The following RUNX2 variants were observed in gnomAD, a reference collection of about 807,000 sequenced individuals.
RUNX2 encodes RUNX family transcription factor 2.
A neutral mutation model predicts 51.7 loss-of-function variants in RUNX2; 10 were observed. The ratio of observed to expected loss-of-function variants is 0.19; its 90% CI spans 0.12 to 0.33. RUNX2 has a LOEUF of 0.33. Ranked by LOEUF, RUNX2 falls within the 10% of genes least tolerant of loss-of-function variation. The pLI is 1.00. For missense variants in RUNX2, 562 were observed against 691.3 expected (o/e 0.81, Z 2.10); for synonymous variants, 276 against 273.6 (o/e 1.01, Z -0.09).
intron 5 of RUNX2, among the ~76,000 whole-genome samples, chr6:45,471,166 G>T (rs1799788756): frequency 6.6e-6 from 1 of 152,102 alleles, no homozygotes; most frequent in Non-Finnish European, 1.5e-5. Context: ...TTTAGCAAAG[G>T]TGCCTCAACT....
At chr6:45,387,636 T>C in intron 2 of RUNX2, among the ~76,000 whole-genome samples, 1 of 152,212 alleles carries the variant, frequency 6.6e-6, no homozygotes, top group East Asian at 1.9e-4. Flanking sequence ...GTATTCTAGC[T>C]TCTATCCGCA....
intron 6 of RUNX2, among the ~76,000 whole-genome samples, chr6:45,508,220 C>CTTTTT (rs61501897): frequency 9.6e-4 from 63 of 65,654 alleles, no homozygotes; most frequent in Non-Finnish European, 1.3e-3. Context: ...CTTATATTTC[C>CTTTTT]TTTTTTTTTT....
intron 7 of RUNX2, among the ~76,000 whole-genome samples, chr6:45,533,827 T>C (rs1460849126): frequency 6.6e-6 from 1 of 151,208 alleles, no homozygotes; most frequent in Non-Finnish European, 1.5e-5. Flanking sequence ...TTTAAAAATA[T>C]CAATTGAAAT....
chr6:45,498,946 T>G (rs1471525919), intron 6 of RUNX2, among the ~76,000 whole-genome samples: 3 of 152,132 alleles, frequency 2.0e-5, no homozygotes, highest in East Asian at 1.9e-4. Context: ...GGAGATGAAG[T>G]GGGCCTGGGG....
intron 2 of RUNX2, among the ~76,000 whole-genome samples, chr6:45,345,273 A>G (rs1790616505): frequency 6.6e-6 from 1 of 152,182 alleles, no homozygotes; most frequent in Admixed American, 6.5e-5. Flanking sequence ...TGCTCAAATG[A>G]CATGTTTTCC....
intron 2 of RUNX2, chr6:45,365,248 C>G: frequency 6.2e-7 from 1 of 1,612,650 alleles, no homozygotes; most frequent in Non-Finnish European, 8.5e-7. Flanking sequence ...TCCCTGTACT[C>G]CTTCCACTAC....
chr6:45,504,323 G>A (rs778827790), intron 6 of RUNX2, among the ~76,000 whole-genome samples: 8 of 152,198 alleles, frequency 5.3e-5, no homozygotes, highest in Non-Finnish European at 1.0e-4. Context: ...TCTTCTGAGT[G>A]GTTAGCATCA....
At chr6:45,512,107 T>C (rs985646929) in intron 6 of RUNX2, 139 bp from the exon 7 acceptor site, 2 of 700,918 alleles carry the variant, frequency 2.9e-6, no homozygotes, top group African/African-American at 3.6e-5. Flanking sequence ...AAATAGCCAT[T>C]CCTTATATAT....
At chr6:45,528,597 G>C (rs1801744678) in intron 7 of RUNX2, among the ~76,000 whole-genome samples, 1 of 152,032 alleles carries the variant, frequency 6.6e-6, no homozygotes, top group Admixed American at 6.6e-5. Flanking sequence ...CTCCAGCCTG[G>C]GTGACAGAGG....
rs56246318 is a variant in RUNX2 at position 45,372,458 on chromosome 6, A to G, written c.58+43674A>G. Among the ~76,000 whole-genome samples, 596 of 152,354 alleles carry G rather than the reference A, an allele frequency of 3.9e-3. 7 individuals are homozygous for G. The highest frequency in any genetic ancestry group is 0.014 in the African/African-American group (568 of 41,594). On this transcript the variant is annotated intron_variant, in intron 2 of 8. Transcript: ENST00000647337. ...GAGTAGACCTTTAAAGACTAATATGAATAAAGTGAAATATACAGAATTCAG... is the reference window on the plus strand; with the variant it reads ...GAGTAGACCTTTAAAGACTAATATGGATAAAGTGAAATATACAGAATTCAG...
At position 45,496,338 on chromosome 6, in the gene RUNX2, G is replaced by A. The variant is rs531499747; in HGVS notation, c.859+4224G>A. 1.3e-3 allele frequency among the ~76,000 whole-genome samples: 197 copies of A among 152,190 alleles called. 1 individual carries two copies. The highest frequency in any genetic ancestry group is 1.2e-3 in the Non-Finnish European group (81 of 68,020). ...CATTCAAAAAATACTTAATGAGTGC[G>A]TATTATCTGCTAGGCATTGATGCAA... is the stretch of plus-strand genomic sequence containing the variant. On this transcript the variant is annotated intron_variant, in intron 6 of 8. Transcript: ENST00000647337.
intron 2 of RUNX2, 146 bp from the exon 3 acceptor site, chr6:45,422,447 A>T: frequency 1.5e-6 from 1 of 657,340 alleles, no homozygotes; most frequent in Non-Finnish European, 2.7e-6. Context: ...TTGATTTCTC[A>T]CCTCCTCAGC....
At chr6:45,351,055 A>G (rs775033717) in intron 2 of RUNX2, among the ~76,000 whole-genome samples, 1 of 152,182 alleles carries the variant, frequency 6.6e-6, no homozygotes. Flanking sequence ...GAGGTGTAAC[A>G]GTTGCATCCC....
At chr6:45,485,576 A>G (rs2150402837) in intron 5 of RUNX2, among the ~76,000 whole-genome samples, 1 of 151,820 alleles carries the variant, frequency 6.6e-6, no homozygotes. Flanking sequence ...TAGTAAGACT[A>G]GAGTTATAAA....
At chr6:45,422,992 GAGCGGCGGAA>G (rs2150362751) in intron 3 of RUNX2, 35 bp downstream of exon 3, 1 of 1,598,666 alleles carries the variant, frequency 6.3e-7, no homozygotes. Flanking sequence ...CCCCGGCCGG[GAGCGGCGGAA>G]CCTGCCCGCC....
intron 5 of RUNX2, among the ~76,000 whole-genome samples, chr6:45,454,172 G>A (rs1003501784): frequency 3.3e-5 from 5 of 152,200 alleles, no homozygotes; most frequent in African/African-American, 1.2e-4. Flanking sequence ...ATGGAAGTAA[G>A]TTAATGGAAA....
rs1415886341 is a variant in RUNX2 at position 45,371,831 on chromosome 6, A to C, written c.58+43047A>C. 3 of 984,380 alleles carry C rather than the reference A, an allele frequency of 3.0e-6. No homozygotes were observed. In the African/African-American group the frequency reaches 5.2e-5, roughly 17 times the overall value. 61.0% of individuals were successfully genotyped at this position (984,380 alleles called of 1,614,324 possible). On this transcript the variant is annotated intron_variant, in intron 2 of 8. Transcript: ENST00000647337. ...GGGAGGGAACCAAAGACATCTGAGC[A>C]GACTTCAGAACTACAGTTTGAAAAT...
At chr6:45,393,301 T>C (rs1797510212) in intron 2 of RUNX2, among the ~76,000 whole-genome samples, 1 of 152,206 alleles carries the variant, frequency 6.6e-6, no homozygotes, top group Non-Finnish European at 1.5e-5. Flanking sequence ...GGAACTGAGG[T>C]AGATAGGCCC....
intron 6 of RUNX2, among the ~76,000 whole-genome samples, chr6:45,501,847 G>T (rs1336526803): frequency 6.6e-6 from 1 of 152,182 alleles, no homozygotes; most frequent in African/African-American, 2.4e-5. Flanking sequence ...CTGCAAGCAA[G>T]TCAACACCAA....
Sources: gnomAD v4.1 joint callset for allele counts (sites outside exome capture counted in the v4.1 genomes callset) on GRCh38, gnomAD v4.1.1 for gene constraint, MANE v1.5 for transcripts, NCBI Gene and HGNC (gene_info 2026-07-23, HGNC 2026-07-21) for gene names.